GPATCH1: variants seen among roughly 807,000 people sequenced by gnomAD.
The protein encoded by GPATCH1 is G-patch domain containing 1.
A neutral mutation model predicts 114.9 loss-of-function variants in GPATCH1; 73 were observed. The observed-to-expected ratio is 0.64, with a 90% confidence interval of 0.53 to 0.77. GPATCH1 has a LOEUF of 0.77. Ranked by LOEUF, GPATCH1 falls within the 30% of genes least tolerant of loss-of-function variation. GPATCH1 has a pLI of 0.00. For synonymous variants in GPATCH1, 391 were observed against 428.4 expected, an observed-to-expected ratio of 0.91 and a Z score of 1.08; for missense variants, 1,058 against 1,144.3, an observed-to-expected ratio of 0.92 and a Z score of 1.09.
intron 1 of GPATCH1, among the ~76,000 whole-genome samples, chr19:33,086,346 G>C (rs1000442579): frequency 6.6e-6 from 1 of 152,174 alleles, no homozygotes; most frequent in African/African-American, 2.4e-5. Flanking sequence ...GTGCTCAGCT[G>C]TTTACGTATG....
rs1264958501 is a variant in GPATCH1, at chr19:33,126,745, G to A, written c.2765+12G>A. 4 of 1,594,686 alleles carry A rather than the reference G, an allele frequency of 2.5e-6. No individual in the cohort carries two copies. The South Asian group carries it at 4.5e-5, about 18-fold the overall frequency. ...GAGCTGCTGAGACGGTGGGTAGTGG[G>A]AGATGGAGGGTTTTTCAGAAACCTT... On this transcript the variant is annotated intron_variant, in intron 19 of 19. Transcript: ENST00000170564.
At chr19:33,130,090 G>A in intron 19 of GPATCH1, 40 bp from the exon 20 acceptor site, 1 of 1,518,644 alleles carries the variant, frequency 6.6e-7, no homozygotes, top group South Asian at 1.2e-5. Context: ...TTTCACTTTA[G>A]CTAACTTTCC....
intron 3 of GPATCH1, 137 bp from the exon 4 acceptor site, chr19:33,093,222 T>G: frequency 3.4e-6 from 2 of 582,050 alleles, no homozygotes; most frequent in Non-Finnish European, 6.0e-6. Flanking sequence ...AAAGTCAGTG[T>G]GTATGTCTGT....
chr19:33,117,738 A>G, intron 15 of GPATCH1, 87 bp from the exon 16 acceptor site: 1 of 887,184 alleles, frequency 1.1e-6, no homozygotes, highest in Non-Finnish European at 1.9e-6. Flanking sequence ...AAACATAAAT[A>G]TGTGTGTCTG....
At chr19:33,114,876 C>A (rs1466933472) in intron 15 of GPATCH1, among the ~76,000 whole-genome samples, 1 of 136,470 alleles carries the variant, frequency 7.3e-6, no homozygotes, top group African/African-American at 2.7e-5. Context: ...GATTTCGGCT[C>A]ACTGCAAGCT....
At chr19:33,083,319 T>G (rs2095174062) in intron 1 of GPATCH1, among the ~76,000 whole-genome samples, 1 of 149,816 alleles carries the variant, frequency 6.7e-6, no homozygotes, top group African/African-American at 2.5e-5. Context: ...TGGCCTCAAG[T>G]AGTCTTCCCA....
chr19:33,081,622 T>G (rs929466591), intron 1 of GPATCH1, among the ~76,000 whole-genome samples: 1 of 151,826 alleles, frequency 6.6e-6, no homozygotes, highest in African/African-American at 2.4e-5. Flanking sequence ...TGAGCAAATC[T>G]GGAGGGAAAG....
In GPATCH1 at chr19:33,117,903, G is replaced by T. The variant is rs760838355; in HGVS notation, c.2275G>T (p.Ala759Ser). 3.7e-6 allele frequency: 6 copies of T among 1,613,774 alleles called. No individual in the cohort carries two copies. The highest frequency in any genetic ancestry group is 5.1e-6 in the Non-Finnish European group (6 of 1,179,892). ...CATGGACTTATTCAGGGCCATCTTT[G>T]CCAGTTCCTCAGATGAAAAGTCCTC... is the stretch of plus-strand genomic sequence containing the variant. ...PSMDLFRAIF[A>S]SSSDEKSSSS... The change falls in exon 16 of 20, where the codon GCC becomes TCC. Residue 759 changes from alanine to serine, a missense_variant. Ala to Ser is a moderately conservative substitution (Grantham distance 99). This residue lies in a region of GPATCH1 where 893 missense variants were observed against 977.4 expected (regional missense o/e 0.91). Transcript: ENST00000170564.
At chr19:33,095,875 T>G (rs765532889) in intron 6 of GPATCH1, 55 bp downstream of exon 6, 3 of 1,272,700 alleles carry the variant, frequency 2.4e-6, no homozygotes, top group Non-Finnish European at 3.4e-6. Flanking sequence ...TGTTTCTGTA[T>G]GACTGTGAAA....
rs1037048869 is a variant in GPATCH1, at chr19:33,127,475, C to T, written c.2765+742C>T. ...AGCTTGCAGTGAGCCGAGATTGTGCCACTGCCCTCCAGCCTGGGCGACAGA... is the reference window on the plus strand; with the variant it reads ...AGCTTGCAGTGAGCCGAGATTGTGCTACTGCCCTCCAGCCTGGGCGACAGA... On this transcript the variant is annotated intron_variant, in intron 19 of 19. Transcript: ENST00000170564. Among the ~76,000 whole-genome samples the T allele has an allele frequency of 1.1e-4, 16 of 151,150 alleles. 1 individual carries two copies. Among genetic ancestry groups the T allele is most frequent in the African/African-American group, 3.9e-4 (16 of 41,258 alleles).
intron 1 of GPATCH1, among the ~76,000 whole-genome samples, chr19:33,084,913 G>A (rs1432698450): frequency 1.3e-5 from 2 of 152,070 alleles, no homozygotes; most frequent in Non-Finnish European, 2.9e-5. Context: ...CGCCCGCCTC[G>A]GCCTCCCAAA....
chr19:33,088,380 T>A, intron 2 of GPATCH1, 112 bp downstream of exon 2: 1 of 807,318 alleles, frequency 1.2e-6, no homozygotes, highest in Non-Finnish European at 1.9e-6. Context: ...AGTCTCGCTC[T>A]GTCGCCCAGG....
intron 19 of GPATCH1, among the ~76,000 whole-genome samples, chr19:33,127,666 C>G (rs1973058216): frequency 6.8e-6 from 1 of 147,880 alleles, no homozygotes; most frequent in African/African-American, 2.6e-5. Flanking sequence ...TTTGTGCAAC[C>G]ACACACACAC....
chr19:33,129,508 G>T (rs1326549127), intron 19 of GPATCH1, among the ~76,000 whole-genome samples: 1 of 152,070 alleles, frequency 6.6e-6, no homozygotes, highest in Non-Finnish European at 1.5e-5. Context: ...GGATGCGGTA[G>T]GTGAGTGAAA....
rs747262991 is a variant in GPATCH1 at position 33,109,747 on chromosome 19, C to T, written c.1316C>T (p.Ser439Phe). The change falls in exon 11 of 20, where the codon TCC becomes TTC. Residue 439 changes from serine to phenylalanine, a missense_variant. Coordinates refer to ENST00000170564, the MANE Select transcript of GPATCH1 (RefSeq NM_018025.3). ...GSATSVLEFL[S>F]QKDKERIKEM... The stretch of plus-strand genomic sequence containing the variant: ...GCTACTTCAGTGTTAGAATTTCTGT[C>T]CCAAAAAGACAAAGAGAGAATCAAA... The T allele has an allele frequency of 6.3e-7, 1 of 1,580,078 alleles. No homozygotes were observed. Among genetic ancestry groups the T allele is most frequent in the East Asian group, 2.3e-5 (1 of 44,244 alleles).
rs765042246 is a variant in GPATCH1 at position 33,109,916 on chromosome 19, G to A, written c.1485G>A (p.Thr495=). Residue 495 remains threonine (T), a synonymous_variant, in exon 11 of 20, where the codon ACG becomes ACA. Transcript: ENST00000170564. ...CSWNMALGGG[T]ATLKASNFKP... ...GGAACATGGCATTAGGTGGTGGGAC[G>A]GCCACCTTAAAAGCCAGCAACTTCA... The A allele has an allele frequency of 6.3e-5, 102 of 1,613,946 alleles. No individual in the cohort carries two copies. The highest frequency in any genetic ancestry group is 8.6e-5 in the Non-Finnish European group (101 of 1,179,976).
chr19:33,088,296 T>C (rs779240692), intron 2 of GPATCH1, 28 bp downstream of exon 2: 66 of 1,522,488 alleles, frequency 4.3e-5, no homozygotes, highest in Non-Finnish European at 5.7e-5. Context: ...GTAGCTATTA[T>C]ACCATTAAAG....
rs1972947603 is a variant in GPATCH1 at position 33,119,077 on chromosome 19, A to T, written c.2481A>T (p.Arg827Ser). ...FPIQKMQIDEREEFGPRLPPV... is the reference protein window; with the variant it reads ...FPIQKMQIDESEEFGPRLPPV... Reference sequence around the variant, plus strand: ...TACAAAAGATGCAGATAGATGAAAGAGAAGAGTTCGGCCCGCGGCTGCCTC... The same window carrying T: ...TACAAAAGATGCAGATAGATGAAAGTGAAGAGTTCGGCCCGCGGCTGCCTC... Residue 827 changes from arginine (R) to serine (S), a missense_variant, in exon 17 of 20, where the codon AGA (arginine) becomes AGT (serine). Coordinates refer to ENST00000170564, the MANE Select transcript of GPATCH1 (RefSeq NM_018025.3). 6.2e-7 allele frequency: 1 copy of T among 1,613,206 alleles called. No homozygotes were observed.
At chr19:33,115,629 G>C (rs1029478772) in intron 15 of GPATCH1, among the ~76,000 whole-genome samples, 1 of 151,740 alleles carries the variant, frequency 6.6e-6, no homozygotes, top group Non-Finnish European at 1.5e-5. Context: ...TGAGTAGCTG[G>C]GATTACAGGC....
Sources: gnomAD v4.1 joint callset for allele counts (sites outside exome capture counted in the v4.1 genomes callset) on GRCh38, gnomAD v4.1.1 for gene constraint, gnomAD v4.1.1 regional missense constraint, MANE v1.5 for transcripts, NCBI Gene and HGNC (gene_info 2026-07-23, HGNC 2026-07-21) for gene names.